Variants in ENG observed in about 807,000 individuals in gnomAD.
The protein encoded by ENG is CD105 antigen.
In ENG, 17 loss-of-function variants were observed where a neutral mutation model predicts 71.0. The observed-to-expected ratio is 0.24, with a 90% CI of 0.16 to 0.36. The LOEUF is 0.36. ENG is among the 10% of genes least tolerant of loss of function. The pLI, the probability that ENG is intolerant of heterozygous loss-of-function variation, is 1.00. For synonymous variants in ENG, 360 were observed against 366.9 expected, an observed-to-expected ratio of 0.98 and a Z score of 0.21; for missense variants, 749 against 868.3, an observed-to-expected ratio of 0.86 and a Z score of 1.73.
At position 127,819,667 on chromosome 9, in the gene ENG, G is replaced by A. The variant is rs1253593190; in HGVS notation, c.1273-7C>T. 2.5e-6 allele frequency: 4 copies of A among 1,607,922 alleles called. No individual in the cohort carries two copies. Among genetic ancestry groups the A allele is most frequent in the East Asian group, 2.2e-5 (1 of 44,752 alleles). ...ACAGGATATTGACCACCGCCTGCGG[G>A]GATAAAGCCAGGGAGCTGGTCAGAG... On this transcript the variant is annotated splice_region_variant and splice_polypyrimidine_tract_variant and intron_variant, in intron 9 of 14. Transcript: ENST00000373203.
chr9:127,839,971 G>C (rs139208979), intron 2 of ENG, among the ~76,000 whole-genome samples: 139 of 152,350 alleles, frequency 9.1e-4, no homozygotes, highest in African/African-American at 3.2e-3. Context: ...GAGGAGAAAT[G>C]GAACCCAGAG....
intron 8 of ENG, among the ~76,000 whole-genome samples, chr9:127,823,593 T>A (rs1179482679): frequency 1.3e-5 from 2 of 151,808 alleles, no homozygotes; most frequent in Admixed American, 1.3e-4. Flanking sequence ...TTTCACTGTG[T>A]TAGCCAGGAT....
At chr9:127,833,057 G>A (rs888995350) in intron 2 of ENG, among the ~76,000 whole-genome samples, 2 of 152,090 alleles carry the variant, frequency 1.3e-5, no homozygotes, top group Non-Finnish European at 2.9e-5. Flanking sequence ...GCACCCGGCC[G>A]CTCTCACATT....
chr9:127,852,590 T>C (rs1382924786), intron 1 of ENG, among the ~76,000 whole-genome samples: 2 of 152,142 alleles, frequency 1.3e-5, no homozygotes, highest in Admixed American at 1.3e-4. Flanking sequence ...TTACTATATA[T>C]TTTTAAAAGG....
chr9:127,825,634 G>GT (rs1830592819), intron 5 of ENG, 61 bp downstream of exon 5: 2 of 1,378,424 alleles, frequency 1.5e-6, no homozygotes, highest in South Asian at 1.4e-5. Flanking sequence ...GGGGCGGGGG[G>GT]GGTCAGGGGG....
chr9:127,825,572 G>A (rs1183162408), intron 5 of ENG, 123 bp downstream of exon 5: 2 of 1,261,980 alleles, frequency 1.6e-6, no homozygotes, highest in African/African-American at 3.0e-5. Flanking sequence ...TCACAGGGCT[G>A]CGGCGGGGCT....
At chr9:127,834,478 C>T (rs1337733766) in intron 2 of ENG, among the ~76,000 whole-genome samples, 1 of 152,176 alleles carries the variant, frequency 6.6e-6, no homozygotes, top group African/African-American at 2.4e-5. Context: ...GATCTCTGCT[C>T]ACCGCAACCT....
At chr9:127,816,468 G>A (rs1830319321) in intron 13 of ENG, 1 of 328,268 alleles carries the variant, frequency 3.0e-6, no homozygotes, top group Non-Finnish European at 6.0e-6. Flanking sequence ...CGAGTGCCCT[G>A]CAGCTCTGCT....
At position 127,824,992 on chromosome 9, in the gene ENG, G is replaced by A; in HGVS notation, c.817-18C>T. On this transcript the variant is annotated intron_variant, in intron 6 of 14. Coordinates refer to ENST00000373203, the MANE Select transcript of ENG (RefSeq NM_001114753.3). Reference sequence around the variant, plus strand: ...CCAGTGGTCTAATGGTGGGGAGAGAGGCAGAACAGGGGGCCATGGACACAG... The same window carrying A: ...CCAGTGGTCTAATGGTGGGGAGAGAAGCAGAACAGGGGGCCATGGACACAG... The A allele has an allele frequency of 1.2e-6, 2 of 1,610,132 alleles. No individual in the cohort carries two copies. Among genetic ancestry groups the A allele is most frequent in the Non-Finnish European group, 8.5e-7 (1 of 1,179,372 alleles).
At chr9:127,829,884 C>T (rs1038165793) in intron 2 of ENG, 57 bp from the exon 3 acceptor site, 2 of 1,610,070 alleles carry the variant, frequency 1.2e-6, no homozygotes, top group African/African-American at 2.7e-5. Context: ...TAGGTTGTGC[C>T]ACCCAGACAG....
intron 1 of ENG, among the ~76,000 whole-genome samples, chr9:127,851,501 G>C (rs1209753518): frequency 6.6e-6 from 1 of 152,044 alleles, no homozygotes; most frequent in African/African-American, 2.4e-5. Context: ...TGGGATTAGA[G>C]GCGTGAGCCA....
intron 10 of ENG, chr9:127,819,260 A>C: frequency 6.6e-6 from 2 of 304,942 alleles, no homozygotes; most frequent in Non-Finnish European, 1.2e-5. Context: ...TTAAACTAAT[A>C]TTTATCAAGG....
chr9:127,849,634 A>C (rs1172832668), intron 1 of ENG, among the ~76,000 whole-genome samples: 21 of 152,214 alleles, frequency 1.4e-4, no homozygotes, highest in Admixed American at 1.2e-3. Flanking sequence ...GGGCTGCTGA[A>C]GGTAAAGGCA....
chr9:127,854,577 G>A lies in ENG; in HGVS notation c.-222C>T. Reference sequence around the variant, plus strand: ...GCTGGAGTTGCTGTCCGAAGGATGGGCGGGGAGGGGGTGCTGGGCTCCAAT... The same window carrying A: ...GCTGGAGTTGCTGTCCGAAGGATGGACGGGGAGGGGGTGCTGGGCTCCAAT... On this transcript the variant is annotated 5_prime_UTR_variant, in exon 1 of 15. Transcript: ENST00000373203. The A allele has an allele frequency of 1.7e-6, 1 of 571,492 alleles. No individual in the cohort carries two copies. Among genetic ancestry groups the A allele is most frequent in the Non-Finnish European group, 3.1e-6 (1 of 323,292 alleles). The allele number at this position is 571,492 out of a possible 1,614,324, so 35.4% of individuals were successfully genotyped here. A position where few individuals can be genotyped will look rare whatever the true frequency, so the allele number is the denominator to read the frequency against.
intron 7 of ENG, 35 bp from the exon 8 acceptor site, chr9:127,824,481 C>T: frequency 2.0e-6 from 3 of 1,505,214 alleles, no homozygotes; most frequent in Non-Finnish European, 2.7e-6. Context: ...GGCGGCTGGT[C>T]ACTGTGTGAT....
chr9:127,854,648 G>A lies in ENG; in HGVS notation c.-293C>T, dbSNP rs1330233834. 6.1e-6 allele frequency: 3 copies of A among 490,486 alleles called. No homozygotes were observed. The highest frequency in any genetic ancestry group is 7.2e-6 in the Non-Finnish European group (2 of 278,788). The allele number at this position is 490,486 out of a possible 1,614,324, so 30.4% of individuals were successfully genotyped here. A position where few individuals can be genotyped will look rare whatever the true frequency, so the allele number is the denominator to read the frequency against. On this transcript the variant is annotated 5_prime_UTR_variant, in exon 1 of 15. Transcript: ENST00000373203. ...GTCCTGGCCCCAGGGCGCAGATGAA[G>A]GCTGTGGTATGACCGGCAGCAGGGA...
At chr9:127,819,167 C>G (rs376006515) in intron 10 of ENG, 2 of 349,702 alleles carry the variant, frequency 5.7e-6, no homozygotes, top group Middle Eastern at 9.8e-4. Context: ...TCAATCTCTT[C>G]ACCTCGTGAT....
chr9:127,830,364 C>T (rs1193359421), intron 2 of ENG, among the ~76,000 whole-genome samples: 4 of 145,294 alleles, frequency 2.8e-5, no homozygotes, highest in East Asian at 2.0e-4. Flanking sequence ...AAAAAAAGGC[C>T]GGGCATGGTG....
chr9:127,825,750 C>T lies in ENG; in HGVS notation c.634G>A (p.Val212Met), dbSNP rs370652082. The change falls in exon 5 of 15, where the codon GTG becomes ATG. Residue 212 changes from valine to methionine, a missense_variant. Physicochemically the swap from Val to Met is conservative, Grantham distance 21. Coordinates refer to ENST00000373203, the MANE Select transcript of ENG (RefSeq NM_001114753.3). Reference sequence around the variant, plus strand: ...ATGTGCGCCTCCTTGTGGCCGGCCACGCCTTCCAAGTGGCAGCCCCGGACC... The same window carrying T: ...ATGTGCGCCTCCTTGTGGCCGGCCATGCCTTCCAAGTGGCAGCCCCGGACC... ...ALVRGCHLEG[V>M]AGHKEAHILR... is the part of the protein sequence containing the mutation. 31 of 1,599,964 alleles carry T rather than the reference C, an allele frequency of 1.9e-5. No homozygotes were observed. The African/African-American group carries it at 2.3e-4, about 12-fold the overall frequency.
Sources: gnomAD v4.1 joint callset for allele counts (sites outside exome capture counted in the v4.1 genomes callset) on GRCh38, gnomAD v4.1.1 for gene constraint, MANE v1.5 for transcripts, NCBI Gene and HGNC (gene_info 2026-07-23, HGNC 2026-07-21) for gene names.